The following ADH1A variants were observed in gnomAD, a reference collection of about 807,000 sequenced individuals.
The protein encoded by ADH1A is alcohol dehydrogenase 1A (class I), alpha polypeptide, also known as alcohol dehydrogenase 1A.
Under a neutral mutation model 35.2 loss-of-function variants are expected in ADH1A, and 29 were observed. The observed-to-expected ratio is 0.82, with a 90% confidence interval of 0.61 to 1.12. ADH1A has a LOEUF of 1.12. ADH1A is among the 50% of genes most tolerant of loss of function. The pLI is 0.00. For synonymous variants in ADH1A, 147 were observed against 164.8 expected (o/e 0.89, Z 0.83); for missense variants, 469 against 464.7 (o/e 1.01, Z -0.09).
chr4:99,282,161 G>T, intron 6 of ADH1A, 185 bp downstream of exon 6: 1 of 1,143,428 alleles, frequency 8.7e-7, no homozygotes, highest in South Asian at 1.5e-5. Flanking sequence ...AGACACGTTT[G>T]CATAGTTGAT....
chr4:99,282,341 C>T lies in ADH1A; in HGVS notation c.828+5G>A, dbSNP rs1413597910. 1 of 1,614,184 alleles carries T rather than the reference C, an allele frequency of 6.2e-7. No individual in the cohort carries two copies. ...AGAAATCTCAGGGCATGTCATGGTACATACCATGGTGTCAAGCCGACCGAT... is the reference window on the plus strand; with the variant it reads ...AGAAATCTCAGGGCATGTCATGGTATATACCATGGTGTCAAGCCGACCGAT... On this transcript the variant is annotated splice_donor_5th_base_variant and intron_variant, in intron 6 of 8. Transcript: ENST00000209668.
At chr4:99,279,321 C>T (rs1732940315) in intron 8 of ADH1A, 105 bp downstream of exon 8, 45 of 1,409,870 alleles carry the variant, frequency 3.2e-5, no homozygotes, top group South Asian at 2.0e-4. Flanking sequence ...AATGGAAGAA[C>T]CAAGGCACTC....
At chr4:99,283,624 A>T (rs1414248069) in intron 5 of ADH1A, among the ~76,000 whole-genome samples, 2 of 152,180 alleles carry the variant, frequency 1.3e-5, no homozygotes, top group Non-Finnish European at 2.9e-5. Context: ...TCAGCAGGAG[A>T]TTAGTAAAAG....
chr4:99,282,042 A>C, intron 6 of ADH1A: 1 of 425,344 alleles, frequency 2.4e-6, no homozygotes, highest in South Asian at 3.8e-5. Context: ...TGTATTATTT[A>C]TGTTTACTTT....
At position 99,282,360 on chromosome 4, in the gene ADH1A, G is replaced by A. The variant is rs201934016; in HGVS notation, c.814C>T (p.Arg272Trp). The A allele has an allele frequency of 2.8e-5, 45 of 1,614,032 alleles. No individual in the cohort carries two copies. In the East Asian group the frequency reaches 4.0e-4, roughly 14 times the overall value. ...GVDFSFEVIGRLDTMMASLLC... is the reference protein window; with the variant it reads ...GVDFSFEVIGWLDTMMASLLC... ...ATGGTACATACCATGGTGTCAAGCCGACCGATGACTTCAAATGAAAAATCC... is the reference window on the plus strand; with the variant it reads ...ATGGTACATACCATGGTGTCAAGCCAACCGATGACTTCAAATGAAAAATCC... The change falls in exon 6 of 9, where the codon CGG (arginine) becomes TGG (tryptophan). Residue 272 changes from arginine (R) to tryptophan (W), a missense_variant. By Grantham distance (101) the Arg-to-Trp change is moderately radical (BLOSUM62 -3). Coordinates refer to ENST00000209668, the MANE Select transcript of ADH1A (RefSeq NM_000667.4).
intron 1 of ADH1A, 54 bp from the exon 2 acceptor site, chr4:99,287,719 A>G: frequency 6.3e-7 from 1 of 1,587,156 alleles, no homozygotes; most frequent in African/African-American, 1.3e-5. Context: ...TTGCAGTCAG[A>G]TATTGTGTCA....
intron 8 of ADH1A, chr4:99,278,586 G>C (rs1279878676): frequency 2.0e-5 from 3 of 152,140 alleles, no homozygotes; most frequent in Non-Finnish European, 4.4e-5. Flanking sequence ...GTCGGTTAAA[G>C]TATCTACTAT....
intron 1 of ADH1A, among the ~76,000 whole-genome samples, chr4:99,290,112 A>G (rs1733257325): frequency 6.6e-6 from 1 of 152,198 alleles, no homozygotes; most frequent in African/African-American, 2.4e-5. Flanking sequence ...TCAATTGATT[A>G]TATTGTATTA....
Position 99,284,791 on chromosome 4 carries a change from A to G in ADH1A, c.272T>C (p.Ile91Thr), listed in dbSNP as rs1285444305. The G allele has an allele frequency of 6.2e-7, 1 of 1,614,144 alleles. No individual in the cohort carries two copies. The highest frequency in any genetic ancestry group is 1.1e-5 in the South Asian group (1 of 91,082). The change falls in exon 4 of 9, where the codon ATC becomes ACC. Residue 91 changes from isoleucine (I) to threonine (T), a missense_variant. Physicochemically the swap from Ile to Thr is moderately conservative, Grantham distance 89 (BLOSUM62 -1). Coordinates refer to ENST00000209668, the MANE Select transcript of ADH1A (RefSeq NM_000667.4). Reference protein sequence around the residue: ...VTTVKPGDKVIPLAIPQCGKC... With the variant: ...VTTVKPGDKVTPLAIPQCGKC... ...TCCACACTGAGGAATAGCGAGTGGG[A>G]TGACTTTATCACCTGGAGAGGGATA...
chr4:99,284,301 T>G, intron 5 of ADH1A, 98 bp downstream of exon 5: 1 of 1,309,166 alleles, frequency 7.6e-7, no homozygotes, highest in Middle Eastern at 1.8e-4. Flanking sequence ...ACATTCAAAA[T>G]CTACAAAAAT....
chr4:99,282,241 T>C (rs1733024596), intron 6 of ADH1A, 105 bp downstream of exon 6: 2 of 1,599,144 alleles, frequency 1.3e-6, no homozygotes, highest in South Asian at 2.2e-5. Flanking sequence ...GAAATTTCCA[T>C]TCATCATTAA....
rs570511916 is a variant in ADH1A at position 99,285,734 on chromosome 4, C to T, written c.260-931G>A. On this transcript the variant is annotated intron_variant, in intron 3 of 8. Transcript: ENST00000209668. Reference sequence around the variant, plus strand: ...TAAGTATTTGGTAAAGTGGCAGGTCCAATCTAGTGCCTAAAGTGATTTTTT... The same window carrying T: ...TAAGTATTTGGTAAAGTGGCAGGTCTAATCTAGTGCCTAAAGTGATTTTTT... Among the ~76,000 whole-genome samples the T allele has an allele frequency of 3.3e-3, 496 of 152,090 alleles. 3 individuals are homozygous for T. Among genetic ancestry groups the T allele is most frequent in the African/African-American group, 0.011 (477 of 41,514 alleles).
intron 6 of ADH1A, 29 bp from the exon 7 acceptor site, chr4:99,280,308 T>C: frequency 6.2e-7 from 1 of 1,612,102 alleles, no homozygotes; most frequent in Non-Finnish European, 8.5e-7. Context: ...TTAGCATTCT[T>C]AACATGGAGT....
At position 99,282,381 on chromosome 4, in the gene ADH1A, A is replaced by C. The variant is rs745741392; in HGVS notation, c.793T>G (p.Phe265Val). 6.2e-7 allele frequency: 1 copy of C among 1,614,124 alleles called. No homozygotes were observed. The highest frequency in any genetic ancestry group is 8.5e-7 in the Non-Finnish European group (1 of 1,180,006). Residue 265 changes from phenylalanine to valine, a missense_variant, in exon 6 of 9, where the codon TTT (phenylalanine) becomes GTT (valine). By Grantham distance (50) the Phe-to-Val change is conservative. Coordinates refer to ENST00000209668, the MANE Select transcript of ADH1A (RefSeq NM_000667.4). ...LKEMTDGGVD[F>V]SFEVIGRLDT... ...AGCCGACCGATGACTTCAAATGAAA[A>C]ATCCACACCTCCATCAGTCATTTCC...
chr4:99,282,565 C>T lies in ADH1A; in HGVS notation c.609G>A (p.Gly203=). 1.2e-6 allele frequency: 2 copies of T among 1,614,164 alleles called. No individual in the cohort carries two copies. Among genetic ancestry groups the T allele is most frequent in the Non-Finnish European group, 1.7e-6 (2 of 1,180,028 alleles). The change falls in exon 6 of 9, where the codon GGG becomes GGA. Residue 203 remains glycine, a synonymous_variant. Transcript: ENST00000209668. ...AGCCCATAATAGCAGATAGGCCGAC[C>T]CCTCCCAGGCCAAACACAGCACAGG... ...GSTCAVFGLG[G]VGLSAIMGCK...
chr4:99,288,161 TTC>T (rs1220514408), intron 1 of ADH1A, among the ~76,000 whole-genome samples: 4 of 152,186 alleles, frequency 2.6e-5, no homozygotes, highest in Non-Finnish European at 5.9e-5. Context: ...TGACATCTCT[TTC>T]TCTCTCTTTT....
chr4:99,288,983 C>A (rs572329348), intron 1 of ADH1A, among the ~76,000 whole-genome samples: 2 of 152,082 alleles, frequency 1.3e-5, no homozygotes, highest in Non-Finnish European at 2.9e-5. Flanking sequence ...AACCTTCCCC[C>A]TCGAGTTCCC....
At chr4:99,282,197 A>G (rs1285706581) in intron 6 of ADH1A, 149 bp downstream of exon 6, 6 of 1,465,484 alleles carry the variant, frequency 4.1e-6, no homozygotes, top group Middle Eastern at 1.7e-4. Context: ...TCATAACAAT[A>G]AATTAAACAA....
intron 8 of ADH1A, among the ~76,000 whole-genome samples, chr4:99,278,967 AAAAC>A (rs1732930688): frequency 6.6e-6 from 1 of 152,202 alleles, no homozygotes; most frequent in South Asian, 2.1e-4. Flanking sequence ...ATCTACTTAG[AAAAC>A]AAACTAAATA....
Sources: allele counts gnomAD v4.1 joint callset (sites outside exome capture counted in the v4.1 genomes callset), GRCh38; gene constraint gnomAD v4.1.1; transcripts MANE v1.5; gene names NCBI Gene and HGNC (gene_info 2026-07-23, HGNC 2026-07-21).